Variants in DDAH1 observed in about 807,000 individuals in gnomAD.
The protein encoded by DDAH1 is N(G),N(G)-dimethylarginine dimethylaminohydrolase 1.
DDAH1 carries 19 observed loss-of-function variants against 28.8 expected under a neutral mutation model. The ratio of observed to expected loss-of-function variants is 0.66; its 90% confidence interval spans 0.46 to 0.97. DDAH1 has a LOEUF of 0.97. Among genes scored for constraint, DDAH1 ranks in the 50% least tolerant of loss-of-function variants. The pLI is 0.00. For synonymous variants in DDAH1, 153 were observed against 154.4 expected, an observed-to-expected ratio of 0.99 and a Z score of 0.07; for missense variants, 326 against 375.9, an observed-to-expected ratio of 0.87 and a Z score of 1.10.
intron 1 of DDAH1, among the ~76,000 whole-genome samples, chr1:85,532,960 G>A (rs1658142203): frequency 1.3e-5 from 2 of 152,170 alleles, no homozygotes; most frequent in South Asian, 4.1e-4. Context: ...AACTTAAAAG[G>A]AAGTTTTTTT....
At chr1:85,328,795 T>A (rs1310946781) in intron 4 of DDAH1, among the ~76,000 whole-genome samples, 1 of 152,060 alleles carries the variant, frequency 6.6e-6, no homozygotes, top group Non-Finnish European at 1.5e-5. Context: ...ATCTAGAAAA[T>A]CTATTACTCA....
intron 1 of DDAH1, among the ~76,000 whole-genome samples, chr1:85,443,979 C>T (rs1056584292): frequency 6.6e-6 from 1 of 152,150 alleles, no homozygotes; most frequent in Admixed American, 6.5e-5. Context: ...ATTTGACTTC[C>T]TTTTTTCCTA....
intron 1 of DDAH1, among the ~76,000 whole-genome samples, chr1:85,421,797 T>A (rs1653151998): frequency 6.6e-6 from 1 of 152,234 alleles, no homozygotes; most frequent in Admixed American, 6.5e-5. Flanking sequence ...AAAATATTCC[T>A]TTATATTCAT....
chr1:85,547,210 AT>A (rs1053053621), intron 1 of DDAH1, among the ~76,000 whole-genome samples: 5 of 152,160 alleles, frequency 3.3e-5, no homozygotes, highest in African/African-American at 1.2e-4. Context: ...CAATGTCCTC[AT>A]TTCAAAAATG....
chr1:85,410,391 G>C (rs1230380418), intron 1 of DDAH1, among the ~76,000 whole-genome samples: 1 of 152,156 alleles, frequency 6.6e-6, no homozygotes, highest in African/African-American at 2.4e-5. Context: ...TGTAATCCCA[G>C]CACTTTGGGA....
intron 1 of DDAH1, among the ~76,000 whole-genome samples, chr1:85,442,549 A>C (rs950758695): frequency 2.6e-5 from 4 of 152,146 alleles, no homozygotes; most frequent in Admixed American, 1.3e-4. Flanking sequence ...TACCCAGTAA[A>C]GGGACGGCTG....
intron 4 of DDAH1, among the ~76,000 whole-genome samples, chr1:85,342,875 C>T (rs1278342008): frequency 6.6e-6 from 1 of 152,098 alleles, no homozygotes; most frequent in Non-Finnish European, 1.5e-5. Flanking sequence ...CATTCCAGAC[C>T]CAGAATATCA....
At chr1:85,456,944 C>T (rs1654912384) in intron 1 of DDAH1, among the ~76,000 whole-genome samples, 1 of 152,106 alleles carries the variant, frequency 6.6e-6, no homozygotes, top group Non-Finnish European at 1.5e-5. Flanking sequence ...CTTTAGTCAA[C>T]TCCAGAGTGG....
chr1:85,556,756 G>A (rs2100800339), intron 1 of DDAH1, among the ~76,000 whole-genome samples: 1 of 152,340 alleles, frequency 6.6e-6, no homozygotes, highest in East Asian at 1.9e-4. Flanking sequence ...GAAAGTCAGA[G>A]AGATCAAACA....
intron 4 of DDAH1, among the ~76,000 whole-genome samples, chr1:85,341,105 C>T (rs925802664): frequency 3.9e-5 from 6 of 152,156 alleles, no homozygotes; most frequent in East Asian, 1.9e-4. Context: ...TTGTGTTGCA[C>T]GGTGACAGTT....
chr1:85,416,755 C>A (rs1360469697), intron 1 of DDAH1, among the ~76,000 whole-genome samples: 1 of 151,938 alleles, frequency 6.6e-6, no homozygotes, highest in African/African-American at 2.4e-5. Context: ...GTAACCTTTG[C>A]CTCGTGGGCT....
At chr1:85,479,118 T>C (rs938420769) in intron 2 of DDAH1, among the ~76,000 whole-genome samples, 1 of 151,576 alleles carries the variant, frequency 6.6e-6, no homozygotes, top group Non-Finnish European at 1.5e-5. Flanking sequence ...AAGCTTAAAG[T>C]AGTTAATAAT....
At chr1:85,401,999 T>A (rs892248513) in intron 1 of DDAH1, among the ~76,000 whole-genome samples, 4 of 152,152 alleles carry the variant, frequency 2.6e-5, no homozygotes, top group Non-Finnish European at 4.4e-5. Context: ...TAATTAATTT[T>A]TTTAGAGACA....
chr1:85,512,641 C>G (rs1326865836), intron 1 of DDAH1, among the ~76,000 whole-genome samples: 2 of 152,252 alleles, frequency 1.3e-5, no homozygotes, highest in African/African-American at 2.4e-5. Flanking sequence ...TGATAAGCAA[C>G]TTCAGCAAAG....
At chr1:85,437,209 G>A (rs976958833) in intron 1 of DDAH1, among the ~76,000 whole-genome samples, 1 of 152,162 alleles carries the variant, frequency 6.6e-6, no homozygotes, top group Non-Finnish European at 1.5e-5. Context: ...CTGCCATACT[G>A]GAGAGACCAC....
At chr1:85,552,797 A>G (rs1324298336) in intron 1 of DDAH1, among the ~76,000 whole-genome samples, 1 of 152,208 alleles carries the variant, frequency 6.6e-6, no homozygotes, top group Non-Finnish European at 1.5e-5. Flanking sequence ...AAGTAAAACA[A>G]GGTTGAAGGC....
chr1:85,327,270 C>T (rs1318702330), intron 4 of DDAH1, among the ~76,000 whole-genome samples: 2 of 152,116 alleles, frequency 1.3e-5, no homozygotes, highest in Non-Finnish European at 1.5e-5. Flanking sequence ...TGCCACCAGC[C>T]GAGATAGTGC....
chr1:85,433,268 A>C (rs1469343315), intron 1 of DDAH1, among the ~76,000 whole-genome samples: 1 of 152,184 alleles, frequency 6.6e-6, no homozygotes, highest in East Asian at 1.9e-4. Flanking sequence ...TCAGGCTGGC[A>C]GACCTAGGAA....
chr1:85,403,584 C>T (rs933008867), intron 1 of DDAH1, among the ~76,000 whole-genome samples: 3 of 152,108 alleles, frequency 2.0e-5, no homozygotes, highest in Non-Finnish European at 4.4e-5. Context: ...CCAAATTGCT[C>T]CTTAGTCAAT....
Sources: gnomAD v4.1 joint callset for allele counts (sites outside exome capture counted in the v4.1 genomes callset) on GRCh38, gnomAD v4.1.1 for gene constraint, MANE v1.5 for transcripts, NCBI Gene and HGNC (gene_info 2026-07-23, HGNC 2026-07-21) for gene names.